Variants in AGMO observed in about 807,000 individuals in gnomAD.
AGMO encodes glyceryl-ether monooxygenase.
A neutral mutation model predicts 60.2 loss-of-function variants in AGMO; 75 were observed. That is an observed-to-expected ratio of 1.25 (90% CI 1.03 to 1.51). The LOEUF is 1.51. Ranked by LOEUF, AGMO falls within the 40% of genes most tolerant of loss-of-function variation. The probability of loss-of-function intolerance (pLI) is 0.00; values close to 1 mark genes in which losing one functional copy is unlikely to be tolerated. For synonymous variants in AGMO, 261 were observed against 177.1 expected (o/e 1.47, Z -3.76); for missense variants, 763 against 525.5 (o/e 1.45, Z -4.42).
At chr7:15,512,576 A>G (rs1221606143) in intron 3 of AGMO, among the ~76,000 whole-genome samples, 4 of 152,128 alleles carry the variant, frequency 2.6e-5, no homozygotes, top group East Asian at 1.9e-4. Flanking sequence ...TCCTTTTTCA[A>G]TTGATAAGTA....
the AGMO span, among the ~76,000 whole-genome samples, chr7:15,190,660 A>G: frequency 9.2e-5 from 14 of 152,186 alleles, no homozygotes; most frequent in Non-Finnish European, 1.8e-4. Context: ...TAATGAACAT[A>G]CTATGAAATA....
chr7:15,356,678 ATGG>A (rs1361456089), intron 12 of AGMO, among the ~76,000 whole-genome samples: 3 of 151,996 alleles, frequency 2.0e-5, no homozygotes, highest in Non-Finnish European at 4.4e-5. Context: ...TTTATTTAGA[ATGG>A]TGTTTATTTT....
intron 10 of AGMO, among the ~76,000 whole-genome samples, chr7:15,368,280 C>A (rs1202070937): frequency 1.6e-3 from 198 of 123,184 alleles, no homozygotes; most frequent in African/African-American, 1.6e-3. Context: ...AGAATGAGAC[C>A]AAAAAAAAAA....
the AGMO span, among the ~76,000 whole-genome samples, chr7:15,135,171 T>C: frequency 6.6e-6 from 1 of 151,244 alleles, no homozygotes; most frequent in Admixed American, 6.6e-5. Context: ...TTTGTGTGTG[T>C]GTGTGTGTGT....
the AGMO span, among the ~76,000 whole-genome samples, chr7:15,140,209 A>G: frequency 6.6e-6 from 1 of 152,072 alleles, no homozygotes; most frequent in Non-Finnish European, 1.5e-5. Context: ...AATTTGGTTA[A>G]GTACACCAAA....
the AGMO span, among the ~76,000 whole-genome samples, chr7:15,129,916 T>C: frequency 6.6e-6 from 1 of 152,138 alleles, no homozygotes; most frequent in African/African-American, 2.4e-5. Flanking sequence ...AAATGCCTGA[T>C]ATTATCTAAG....
At chr7:15,240,974 A>G (rs1782571306) in intron 12 of AGMO, among the ~76,000 whole-genome samples, 1 of 152,208 alleles carries the variant, frequency 6.6e-6, no homozygotes, top group East Asian at 1.9e-4. Flanking sequence ...TCCATCTATT[A>G]AACACATTTT....
chr7:15,161,281 G>A, the AGMO span, among the ~76,000 whole-genome samples: 2 of 152,138 alleles, frequency 1.3e-5, no homozygotes, highest in African/African-American at 4.8e-5. Flanking sequence ...CATCTAAGCA[G>A]TTGAAAGCTT....
intron 3 of AGMO, among the ~76,000 whole-genome samples, chr7:15,500,566 C>T (rs966347383): frequency 1.3e-5 from 2 of 151,780 alleles, no homozygotes; most frequent in Non-Finnish European, 2.9e-5. Context: ...GCACAAGAAA[C>T]TCCCATAACT....
intron 2 of AGMO, among the ~76,000 whole-genome samples, chr7:15,559,168 C>T (rs139093477): frequency 6.6e-6 from 1 of 152,082 alleles, no homozygotes; most frequent in Non-Finnish European, 1.5e-5. Context: ...TTATCATCAA[C>T]ATAATGTTAC....
chr7:15,118,992 T>TC, the AGMO span, among the ~76,000 whole-genome samples: 1 of 150,168 alleles, frequency 6.7e-6, no homozygotes, highest in African/African-American at 2.4e-5. Context: ...TATTGGGGTT[T>TC]TTTTTTCCTT....
At chr7:15,422,472 G>A (rs2128495433) in intron 4 of AGMO, among the ~76,000 whole-genome samples, 1 of 152,092 alleles carries the variant, frequency 6.6e-6, no homozygotes, top group African/African-American at 2.4e-5. Context: ...TAAAACTAGA[G>A]GTAAGAATGC....
At chr7:15,192,144 G>A in the AGMO span, among the ~76,000 whole-genome samples, 1 of 152,066 alleles carries the variant, frequency 6.6e-6, no homozygotes. Context: ...AGGCAGAAGT[G>A]TGGGATTCCC....
At position 15,487,217 on chromosome 7, in the gene AGMO, T is replaced by C. The variant is rs1023830435; in HGVS notation, c.410-56109A>G. Among the ~76,000 whole-genome samples the C allele has an allele frequency of 1.0e-3, 155 of 152,176 alleles. 2 individuals carry two copies. The highest frequency in any genetic ancestry group is 3.5e-3 in the African/African-American group (146 of 41,522). On this transcript the variant is annotated intron_variant, in intron 3 of 12. Transcript: ENST00000342526. The stretch of plus-strand genomic sequence containing the variant: ...TTCTAAATGAACTGTAAGAAATAAT[T>C]GAAATAAAATAGCAAGATGTAAATG...
intron 3 of AGMO, among the ~76,000 whole-genome samples, chr7:15,446,302 A>C (rs2128503849): frequency 6.6e-6 from 1 of 152,296 alleles, no homozygotes; most frequent in East Asian, 1.9e-4. Flanking sequence ...TTCTCCTAGT[A>C]ATTCTCTCTT....
intron 12 of AGMO, among the ~76,000 whole-genome samples, chr7:15,291,280 T>A (rs1784255604): frequency 6.6e-6 from 1 of 152,180 alleles, no homozygotes; most frequent in Non-Finnish European, 1.5e-5. Context: ...TAGAGATATA[T>A]CGACAAAATT....
the AGMO span, among the ~76,000 whole-genome samples, chr7:15,194,511 A>G: frequency 6.6e-6 from 1 of 152,172 alleles, no homozygotes; most frequent in East Asian, 1.9e-4. Context: ...ATATCTTAAA[A>G]TGAGTACAAA....
rs146394649 is a variant in AGMO at position 15,342,149 on chromosome 7, C to T, written c.1263+23365G>A. Among the ~76,000 whole-genome samples, 291 of 117,256 alleles carry T rather than the reference C, an allele frequency of 2.5e-3. 1 individual carries two copies. The highest frequency in any genetic ancestry group is 9.7e-3 in the African/African-American group (267 of 27,478). The allele number at this position is 117,256 out of a possible 152,430, so 76.9% of individuals were successfully genotyped here. On this transcript the variant is annotated intron_variant, in intron 12 of 12. Coordinates refer to ENST00000342526, the MANE Select transcript of AGMO (RefSeq NM_001004320.2). ...GACTGGGTGAATTGCCTCCAGTAAGCTGAGAGTAGATACCCACAGAGTTAA... is the reference window on the plus strand; with the variant it reads ...GACTGGGTGAATTGCCTCCAGTAAGTTGAGAGTAGATACCCACAGAGTTAA...
chr7:15,356,559 A>C lies in AGMO; in HGVS notation c.1263+8955T>G, dbSNP rs1297452922. ...AATCTGAAAAATTAAAATCATGGAA[A>C]TGATAAGCACAAAGTACAAAATAAC... On this transcript the variant is annotated intron_variant, in intron 12 of 12. Transcript: ENST00000342526. 2.0e-5 allele frequency among the ~76,000 whole-genome samples: 3 copies of C among 152,130 alleles called. No homozygotes were observed. The East Asian group carries it at 5.8e-4, about 29-fold the overall frequency.
Sources: allele counts gnomAD v4.1 joint callset (sites outside exome capture counted in the v4.1 genomes callset), GRCh38; gene constraint gnomAD v4.1.1; transcripts MANE v1.5; gene names NCBI Gene and HGNC (gene_info 2026-07-23, HGNC 2026-07-21).